LMNTD1: variants seen among roughly 807,000 people sequenced by gnomAD.
LMNTD1 encodes lamin tail domain-containing protein 1.
In LMNTD1, 35 loss-of-function variants were observed where a neutral mutation model predicts 50.9. That is an observed-to-expected ratio of 0.69 (90% CI 0.53 to 0.91). The LOEUF is 0.91. LMNTD1 is among the 40% of genes least tolerant of loss of function. LMNTD1 has a pLI of 0.00. For missense variants in LMNTD1, 470 were observed against 475.5 expected, an observed-to-expected ratio of 0.99 and a Z score of 0.11; for synonymous variants, 153 against 161.9, an observed-to-expected ratio of 0.94 and a Z score of 0.42.
At chr12:25,573,636 C>T (rs1437818156) in intron 1 of LMNTD1, among the ~76,000 whole-genome samples, 1 of 152,088 alleles carries the variant, frequency 6.6e-6, no homozygotes, top group Admixed American at 6.5e-5. Context: ...TGTTTTTTGC[C>T]AGTTCACTAG....
At chr12:25,648,167 C>T (rs1947113613) in intron 1 of LMNTD1, among the ~76,000 whole-genome samples, 1 of 152,150 alleles carries the variant, frequency 6.6e-6, no homozygotes, top group Admixed American at 6.5e-5. Flanking sequence ...TGTAGGATAC[C>T]TCTTTTTACA....
At chr12:25,639,298 A>G (rs905625222) in intron 1 of LMNTD1, among the ~76,000 whole-genome samples, 1 of 152,172 alleles carries the variant, frequency 6.6e-6, no homozygotes, top group Non-Finnish European at 1.5e-5. Context: ...AAGTGACAAA[A>G]TAAAAAAATA....
intron 5 of LMNTD1, 92 bp downstream of exon 5, chr12:25,526,677 G>A: frequency 1.2e-6 from 1 of 819,726 alleles, no homozygotes; most frequent in Non-Finnish European, 1.9e-6. Flanking sequence ...CAGATAGAGT[G>A]ATAACGAGAC....
At chr12:25,551,641 C>T (rs1032196835) in intron 2 of LMNTD1, among the ~76,000 whole-genome samples, 2 of 152,220 alleles carry the variant, frequency 1.3e-5, no homozygotes, top group Admixed American at 6.5e-5. Flanking sequence ...ATTCTTTTGC[C>T]TTGGCCTCCC....
chr12:25,494,728 A>G (rs1939003139), intron 9 of LMNTD1, among the ~76,000 whole-genome samples: 1 of 152,198 alleles, frequency 6.6e-6, no homozygotes, highest in Non-Finnish European at 1.5e-5. Context: ...GTAAATATTT[A>G]CAGTGTACAA....
At chr12:25,606,297 G>T (rs528288340) in intron 1 of LMNTD1, among the ~76,000 whole-genome samples, 1 of 152,046 alleles carries the variant, frequency 6.6e-6, no homozygotes, top group East Asian at 1.9e-4. Context: ...AATTTGACTT[G>T]CTCTTTTCCT....
intron 4 of LMNTD1, among the ~76,000 whole-genome samples, chr12:25,535,393 A>T (rs892464775): frequency 7.5e-5 from 11 of 147,538 alleles, no homozygotes; most frequent in Non-Finnish European, 1.6e-4. Context: ...AGGGACAAAA[A>T]ATATTTGAAG....
At chr12:25,583,251 T>C (rs1490242191) in intron 1 of LMNTD1, among the ~76,000 whole-genome samples, 3 of 150,852 alleles carry the variant, frequency 2.0e-5, no homozygotes, top group African/African-American at 4.9e-5. Flanking sequence ...ATGGTCTCCA[T>C]CTCCTGACCT....
At chr12:25,563,071 A>G (rs1238134004) in intron 1 of LMNTD1, among the ~76,000 whole-genome samples, 1 of 152,100 alleles carries the variant, frequency 6.6e-6, no homozygotes, top group Admixed American at 6.6e-5. Context: ...CTTCTTTGTG[A>G]TGGGTTCGAA....
chr12:25,484,256 T>C (rs1219502351), intron 9 of LMNTD1, among the ~76,000 whole-genome samples: 1 of 151,978 alleles, frequency 6.6e-6, no homozygotes, highest in African/African-American at 2.4e-5. Context: ...TGAAGCATTG[T>C]TGTTTTTCGT....
rs1311568968 is a variant in LMNTD1 at position 25,526,954 on chromosome 12, A to G, written c.493T>C (p.Ser165Pro). ...TCAGCTATTTCAACATCTCCAAGAG[A>G]ACTAGAAAATAAAACACAAAGATTG... ...LEEVGQFTSS[S>P]LGDVEIAEVN... Residue 165 changes from serine to proline, a missense_variant and splice_region_variant, in exon 5 of 10, where the codon TCT becomes CCT. Transcript: ENST00000458174. 1 of 1,595,720 alleles carries G rather than the reference A, an allele frequency of 6.3e-7. No individual in the cohort carries two copies. The highest frequency in any genetic ancestry group is 2.2e-5 in the East Asian group (1 of 44,602).
chr12:25,507,232 T>A (rs942773015), intron 8 of LMNTD1, among the ~76,000 whole-genome samples: 5 of 152,172 alleles, frequency 3.3e-5, no homozygotes, highest in Non-Finnish European at 5.9e-5. Context: ...GATTTCAGTA[T>A]GAATCTCCTA....
chr12:25,548,714 T>G (rs997933765), intron 3 of LMNTD1, among the ~76,000 whole-genome samples: 1 of 151,932 alleles, frequency 6.6e-6, no homozygotes, highest in Non-Finnish European at 1.5e-5. Flanking sequence ...CAAAGTTCCC[T>G]AAACATGGTG....
At chr12:25,502,116 C>A (rs1939426290) in intron 9 of LMNTD1, among the ~76,000 whole-genome samples, 1 of 151,992 alleles carries the variant, frequency 6.6e-6, no homozygotes, top group Non-Finnish European at 1.5e-5. Flanking sequence ...GGTAGTTAAG[C>A]AAAATAATAA....
In LMNTD1 at chr12:25,480,175, C is replaced by T. The variant is rs139537810; in HGVS notation, c.*23-3715G>A. ...AATAGTTCCTATCCAGACTTATTCA[C>T]ACCTTCTTCTACATGTGTGGCTGCC... On this transcript the variant is annotated intron_variant, in intron 9 of 9. Coordinates refer to ENST00000458174, the MANE Select transcript of LMNTD1 (RefSeq NM_001145728.2). 2.0e-3 allele frequency among the ~76,000 whole-genome samples: 302 copies of T among 152,328 alleles called. 1 individual carries two copies. Among genetic ancestry groups the T allele is most frequent in the African/African-American group, 6.8e-3 (282 of 41,568 alleles).
chr12:25,643,288 A>G (rs829040), intron 1 of LMNTD1, among the ~76,000 whole-genome samples: 151,284 of 152,310 alleles, frequency 0.99, 75,139 homozygotes, highest in Middle Eastern at 1. Flanking sequence ...AAGGAGCAAG[A>G]CATGCAAAGA....
chr12:25,613,560 G>A (rs1946291881), intron 1 of LMNTD1, among the ~76,000 whole-genome samples: 2 of 152,166 alleles, frequency 1.3e-5, no homozygotes, highest in Non-Finnish European at 2.9e-5. Context: ...AGGAATTGAA[G>A]GCTTCTGGCA....
chr12:25,541,979 C>T (rs1193153898), intron 4 of LMNTD1, among the ~76,000 whole-genome samples: 2 of 152,152 alleles, frequency 1.3e-5, no homozygotes, highest in African/African-American at 4.8e-5. Context: ...AAATGCTCAC[C>T]ATCACTGGCC....
At chr12:25,492,101 C>T (rs1170010155) in intron 9 of LMNTD1, among the ~76,000 whole-genome samples, 4 of 152,238 alleles carry the variant, frequency 2.6e-5, no homozygotes, top group African/African-American at 9.6e-5. Flanking sequence ...GTAATGTGAA[C>T]TAAATGGTGC....
Sources: gnomAD v4.1 joint callset for allele counts (sites outside exome capture counted in the v4.1 genomes callset) on GRCh38, gnomAD v4.1.1 for gene constraint, MANE v1.5 for transcripts, NCBI Gene and HGNC (gene_info 2026-07-23, HGNC 2026-07-21) for gene names.